CDH9: variants seen among roughly 807,000 people sequenced by gnomAD.
The protein encoded by CDH9 is cadherin 9, also known as cadherin-9.
A neutral mutation model predicts 70.9 loss-of-function variants in CDH9; 28 were observed. The ratio of observed to expected loss-of-function variants is 0.40; its 90% CI spans 0.29 to 0.54. The LOEUF is 0.54. CDH9 is among the 20% of genes least tolerant of loss of function. The pLI is 0.59. For missense variants in CDH9, 874 were observed against 984.4 expected (o/e 0.89, Z 1.50); for synonymous variants, 409 against 343.1 (o/e 1.19, Z -2.12).
intron 4 of CDH9, among the ~76,000 whole-genome samples, chr5:26,906,415 G>A (rs1313022712): frequency 2.0e-5 from 3 of 151,986 alleles, no homozygotes; most frequent in Non-Finnish European, 4.4e-5. Flanking sequence ...GTTTAATTTT[G>A]ATAATTGTCA....
intron 1 of CDH9, among the ~76,000 whole-genome samples, chr5:27,002,405 C>A (rs1742786562): frequency 6.6e-6 from 1 of 150,744 alleles, no homozygotes; most frequent in African/African-American, 2.5e-5. Flanking sequence ...TTTGACCCAG[C>A]CATCCCATTA....
At chr5:26,916,400 A>AAAT in intron 2 of CDH9, among the ~76,000 whole-genome samples, 1 of 151,958 alleles carries the variant, frequency 6.6e-6, no homozygotes, top group East Asian at 1.9e-4. Context: ...TTCAGTACAG[A>AAAT]GTATCCCCTT....
intron 1 of CDH9, among the ~76,000 whole-genome samples, chr5:27,005,106 T>C (rs1447885625): frequency 2.0e-5 from 3 of 152,110 alleles, no homozygotes; most frequent in African/African-American, 7.2e-5. Context: ...CAATTCTTAG[T>C]ATAAAAAGAG....
intron 6 of CDH9, chr5:26,903,331 T>C (rs1740888370): frequency 2.3e-6 from 1 of 433,572 alleles, no homozygotes; most frequent in Non-Finnish European, 4.2e-6. Flanking sequence ...GAAAAGTGCA[T>C]GAAATAATGA....
At chr5:27,011,739 C>A (rs1270544902) in intron 1 of CDH9, among the ~76,000 whole-genome samples, 1 of 151,970 alleles carries the variant, frequency 6.6e-6, no homozygotes, top group Non-Finnish European at 1.5e-5. Context: ...GTCCATATTA[C>A]AAAGAACAGA....
intron 2 of CDH9, among the ~76,000 whole-genome samples, chr5:26,952,901 CAAAAAAAAA>C (rs70939788): frequency 1.1e-4 from 12 of 105,284 alleles, no homozygotes; most frequent in South Asian, 3.1e-4. Context: ...GTTTCTATTC[CAAAAAAAAA>C]AAAAAAAAAA....
chr5:26,939,137 G>C (rs1025254503), intron 2 of CDH9, among the ~76,000 whole-genome samples: 1 of 151,538 alleles, frequency 6.6e-6, no homozygotes, highest in Admixed American at 6.6e-5. Context: ...TAAATATGTC[G>C]ATTCTCCCAA....
chr5:26,902,401 A>AT (rs1274726006), intron 7 of CDH9, 75 bp downstream of exon 7: 2 of 1,017,396 alleles, frequency 2.0e-6, no homozygotes, highest in South Asian at 1.6e-5. Flanking sequence ...TTGTGCAACC[A>AT]TTTTTTCACA....
At chr5:26,910,256 T>TATCTATCTATCTATCTATCTATCTATC (rs36175795) in intron 3 of CDH9, among the ~76,000 whole-genome samples, 1 of 150,136 alleles carries the variant, frequency 6.7e-6, no homozygotes, top group East Asian at 1.9e-4. Context: ...TCTATCTATC[T>TATCTATCTATCTATCTATCTATCTATC]ATCTATCTGG....
At chr5:26,926,337 C>T (rs1741338904) in intron 2 of CDH9, among the ~76,000 whole-genome samples, 1 of 152,038 alleles carries the variant, frequency 6.6e-6, no homozygotes, top group Non-Finnish European at 1.5e-5. Flanking sequence ...AACTCCCATT[C>T]AAAATTGCTA....
At chr5:26,974,616 T>C (rs11956538) in intron 2 of CDH9, among the ~76,000 whole-genome samples, 71,851 of 151,990 alleles carry the variant, frequency 0.47, 17,826 homozygotes, top group Non-Finnish European at 0.53. Flanking sequence ...GGAGTATTTT[T>C]ATAAAATACA....
At chr5:26,977,082 T>C (rs1416685917) in intron 2 of CDH9, among the ~76,000 whole-genome samples, 1 of 152,050 alleles carries the variant, frequency 6.6e-6, no homozygotes, top group Non-Finnish European at 1.5e-5. Flanking sequence ...TATTCCACAT[T>C]AGAAGAAACA....
At chr5:26,908,296 C>A (rs1263031127) in intron 3 of CDH9, among the ~76,000 whole-genome samples, 1 of 151,558 alleles carries the variant, frequency 6.6e-6, no homozygotes, top group African/African-American at 2.4e-5. Context: ...GATTTACATT[C>A]CCCCCACACA....
At chr5:26,927,326 GA>G (rs1180506044) in intron 2 of CDH9, among the ~76,000 whole-genome samples, 1 of 151,990 alleles carries the variant, frequency 6.6e-6, no homozygotes, top group Non-Finnish European at 1.5e-5. Context: ...TTTCCTCTAA[GA>G]TTTGGAGAAG....
At chr5:26,939,116 G>A (rs1420750281) in intron 2 of CDH9, among the ~76,000 whole-genome samples, 2 of 151,730 alleles carry the variant, frequency 1.3e-5, no homozygotes, top group Admixed American at 6.6e-5. Context: ...GGAAGGAAAT[G>A]TTTAATATTG....
intron 2 of CDH9, among the ~76,000 whole-genome samples, chr5:26,934,013 G>A (rs1417847603): frequency 1.3e-5 from 2 of 152,058 alleles, no homozygotes; most frequent in Non-Finnish European, 2.9e-5. Flanking sequence ...TGTATAAGAA[G>A]CATGGTGCCA....
intron 3 of CDH9, among the ~76,000 whole-genome samples, chr5:26,909,112 T>C (rs889312237): frequency 2.0e-5 from 3 of 152,040 alleles, no homozygotes; most frequent in Non-Finnish European, 2.9e-5. Flanking sequence ...GCCTCCCGAG[T>C]AGCTGGGACT....
intron 1 of CDH9, among the ~76,000 whole-genome samples, chr5:27,002,811 C>T (rs1279127093): frequency 2.0e-5 from 3 of 151,928 alleles, no homozygotes; most frequent in Non-Finnish European, 4.4e-5. Flanking sequence ...GGAGATACAC[C>T]TAATGTAAAT....
intron 9 of CDH9, among the ~76,000 whole-genome samples, chr5:26,887,500 C>A (rs1334265343): frequency 6.7e-6 from 1 of 150,284 alleles, no homozygotes; most frequent in Non-Finnish European, 1.5e-5. Flanking sequence ...TACTTAATTT[C>A]TATAAAATAT....
Sources: gnomAD v4.1 joint callset for allele counts (sites outside exome capture counted in the v4.1 genomes callset) on GRCh38, gnomAD v4.1.1 for gene constraint, MANE v1.5 for transcripts, NCBI Gene and HGNC (gene_info 2026-07-23, HGNC 2026-07-21) for gene names.